Variants in TYW1B observed in about 807,000 individuals in gnomAD.
TYW1B encodes tRNA-yW synthesizing protein 1 homolog B, also known as S-adenosyl-L-methionine-dependent tRNA 4-demethylwyosine synthase TYW1B.
In TYW1B, 73 loss-of-function variants were observed where a neutral mutation model predicts 86.9. The observed-to-expected ratio is 0.84, with a 90% CI of 0.70 to 1.02. The LOEUF (loss-of-function observed/expected upper bound fraction) is 1.02, where lower values mean the gene tolerates loss of function less well. Among genes scored for constraint, TYW1B ranks in the 50% least tolerant of loss-of-function variants. The pLI, the probability that TYW1B is intolerant of heterozygous loss-of-function variation, is 0.00. For missense variants in TYW1B, 637 were observed against 827.4 expected (o/e 0.77, Z 2.82); for synonymous variants, 248 against 292.8 (o/e 0.85, Z 1.56).
At chr7:72,690,305 T>C (rs534504741) in intron 11 of TYW1B, among the ~76,000 whole-genome samples, 1 of 148,368 alleles carries the variant, frequency 6.7e-6, no homozygotes, top group South Asian at 2.1e-4. Context: ...TCTCTTTTTT[T>C]AAAAAAAGGA....
intron 11 of TYW1B, among the ~76,000 whole-genome samples, chr7:72,657,806 C>T (rs1243917449): frequency 2.0e-5 from 3 of 152,186 alleles, no homozygotes; most frequent in African/African-American, 7.2e-5. Flanking sequence ...TTCTTCACCA[C>T]TAGACTGACT....
At chr7:72,587,737 C>G (rs187714209) in intron 13 of TYW1B, among the ~76,000 whole-genome samples, 2 of 151,636 alleles carry the variant, frequency 1.3e-5, no homozygotes, top group Admixed American at 6.6e-5. Context: ...GTCCTACAAA[C>G]GCCATCGGGT....
intron 7 of TYW1B, 53 bp from the exon 8 acceptor site, chr7:72,744,654 C>G (rs1372082712): frequency 6.4e-7 from 1 of 1,572,540 alleles, no homozygotes; most frequent in Non-Finnish European, 8.8e-7. Context: ...AGCACAGAAA[C>G]AAACCACCAA....
At chr7:72,699,988 A>G (rs1814422699) in intron 10 of TYW1B, among the ~76,000 whole-genome samples, 1 of 151,892 alleles carries the variant, frequency 6.6e-6, no homozygotes, top group Non-Finnish European at 1.5e-5. Flanking sequence ...ACTTTATTGT[A>G]GAACTAATTA....
At chr7:72,770,607 T>A (rs4434516) in intron 7 of TYW1B, among the ~76,000 whole-genome samples, 104,795 of 151,866 alleles carry the variant, frequency 0.69, 37,131 homozygotes, top group Non-Finnish European at 0.77. Flanking sequence ...GACAACAGTT[T>A]GGGAGTTTCT....
chr7:72,632,286 T>TATATATATATATATATATA (rs1812513934), intron 11 of TYW1B, among the ~76,000 whole-genome samples: 2 of 66,532 alleles, frequency 3.0e-5, no homozygotes, highest in Admixed American at 1.8e-4. Context: ...TATATACGTG[T>TATATATATATATATATATA]ATATATATAT....
At chr7:72,617,914 T>C (rs1426120875) in intron 12 of TYW1B, among the ~76,000 whole-genome samples, 20 of 152,202 alleles carry the variant, frequency 1.3e-4, no homozygotes, top group African/African-American at 1.9e-4. Context: ...ACTAAGTTCT[T>C]TATTTGGTAA....
intron 7 of TYW1B, among the ~76,000 whole-genome samples, chr7:72,764,788 TTGA>T (rs1230033426): frequency 1.3e-5 from 2 of 152,164 alleles, no homozygotes; most frequent in East Asian, 1.9e-4. Flanking sequence ...AATTAAGTAA[TTGA>T]TGATGATGAT....
chr7:72,701,896 A>T (rs1400944077), intron 10 of TYW1B, among the ~76,000 whole-genome samples: 4 of 152,142 alleles, frequency 2.6e-5, no homozygotes, highest in Non-Finnish European at 4.4e-5. Context: ...TCACCCAGGC[A>T]GGCAGTTTGC....
intron 13 of TYW1B, among the ~76,000 whole-genome samples, chr7:72,606,017 A>T (rs1554434783): frequency 6.6e-6 from 1 of 152,062 alleles, no homozygotes; most frequent in Non-Finnish European, 1.5e-5. Context: ...AAAACAGAGG[A>T]TATTACATAT....
chr7:72,807,185 T>C lies in TYW1B; in HGVS notation c.604A>G (p.Arg202Gly), dbSNP rs782423058. 23 of 1,613,824 alleles carry C rather than the reference T, an allele frequency of 1.4e-5. No homozygotes were observed. The highest frequency in any genetic ancestry group is 1.6e-4 in the Middle Eastern group (1 of 6,084). Residue 202 changes from arginine (R) to glycine (G), a missense_variant, in exon 5 of 14, where the codon AGA becomes GGA. By Grantham distance (125) the Arg-to-Gly change is moderately radical. Transcript: ENST00000620995. ...SQLQALQKGE[R>G]KKSCGGHCKK... ...CAGTGGCCGCCACAGGACTTCTTTC[T>C]CTCCCCTTTCTGAAGTGCCTGCAGC...
chr7:72,606,889 T>C (rs1195882782), intron 13 of TYW1B, among the ~76,000 whole-genome samples: 1 of 152,144 alleles, frequency 6.6e-6, no homozygotes, highest in Non-Finnish European at 1.5e-5. Flanking sequence ...GAAGATTTAT[T>C]AATAAATAAG....
chr7:72,691,896 T>G (rs1814171739), intron 11 of TYW1B, among the ~76,000 whole-genome samples: 1 of 152,034 alleles, frequency 6.6e-6, no homozygotes, highest in South Asian at 2.1e-4. Flanking sequence ...TCTGTTGAGT[T>G]TCCACCCATT....
intron 2 of TYW1B, among the ~76,000 whole-genome samples, chr7:72,824,100 TAA>T (rs1437366195): frequency 6.6e-5 from 10 of 152,108 alleles, no homozygotes; most frequent in African/African-American, 2.4e-4. Context: ...GCTTAAGGTT[TAA>T]CTTAACAACT....
chr7:72,709,217 G>A (rs533007757), intron 10 of TYW1B, among the ~76,000 whole-genome samples: 39 of 152,122 alleles, frequency 2.6e-4, no homozygotes, highest in African/African-American at 6.5e-4. Context: ...TAACAAAGAC[G>A]TGCCCACTTT....
chr7:72,815,297 T>C, intron 3 of TYW1B, 83 bp downstream of exon 3: 1 of 1,182,000 alleles, frequency 8.5e-7, no homozygotes, highest in Non-Finnish European at 1.2e-6. Flanking sequence ...CTGAAGATTC[T>C]AGTTATCTAA....
At chr7:72,662,242 T>G (rs1467262551) in intron 11 of TYW1B, among the ~76,000 whole-genome samples, 1 of 152,212 alleles carries the variant, frequency 6.6e-6, no homozygotes, top group African/African-American at 2.4e-5. Flanking sequence ...TCTGGTGATA[T>G]AAATCTTTAA....
intron 7 of TYW1B, among the ~76,000 whole-genome samples, chr7:72,751,148 C>G (rs1224356769): frequency 6.6e-6 from 1 of 151,976 alleles, no homozygotes. Flanking sequence ...AGCAATTCTC[C>G]TACCTCAGCC....
intron 4 of TYW1B, among the ~76,000 whole-genome samples, chr7:72,808,590 C>T (rs1367965236): frequency 3.4e-5 from 5 of 148,900 alleles, no homozygotes; most frequent in South Asian, 2.1e-4. Flanking sequence ...TGCAATGGCA[C>T]GACCTCGGCT....
Sources: allele counts gnomAD v4.1 joint callset (sites outside exome capture counted in the v4.1 genomes callset), GRCh38; gene constraint gnomAD v4.1.1; transcripts MANE v1.5; gene names NCBI Gene and HGNC (gene_info 2026-07-23, HGNC 2026-07-21).